The following CNTNAP2 variants were observed in gnomAD, a reference collection of about 807,000 sequenced individuals.
CNTNAP2 encodes contactin-associated protein-like 2.
In CNTNAP2, 98 loss-of-function variants were observed where a neutral mutation model predicts 155.2. The observed-to-expected ratio is 0.63, with a 90% CI of 0.54 to 0.75. The LOEUF is 0.75. Ranked by LOEUF, CNTNAP2 falls within the 30% of genes least tolerant of loss-of-function variation. The pLI, the probability that CNTNAP2 is intolerant of heterozygous loss-of-function variation, is 0.00. For synonymous variants in CNTNAP2, 651 were observed against 631.2 expected (o/e 1.03, Z -0.47); for missense variants, 1,727 against 1,688.1 (o/e 1.02, Z -0.40).
At chr7:147,432,095 G>A (rs1418766154) in intron 10 of CNTNAP2, among the ~76,000 whole-genome samples, 2 of 152,122 alleles carry the variant, frequency 1.3e-5, no homozygotes, top group Non-Finnish European at 2.9e-5. Flanking sequence ...TTGTGCATTA[G>A]GTCAAGAGAC....
chr7:146,671,656 A>C (rs1800309309), intron 1 of CNTNAP2, among the ~76,000 whole-genome samples: 1 of 152,158 alleles, frequency 6.6e-6, no homozygotes, highest in South Asian at 2.1e-4. Flanking sequence ...AAATAAGTTA[A>C]ATAATTCCTA....
At position 146,872,393 on chromosome 7, in the gene CNTNAP2, A is replaced by G. The variant is rs747194862; in HGVS notation, c.402+32489A>G. Among the ~76,000 whole-genome samples the G allele has an allele frequency of 2.2e-4, 33 of 152,110 alleles. 1 individual carries two copies. The highest frequency in any genetic ancestry group is 5.9e-5 in the Non-Finnish European group (4 of 67,974). ...AGGCTTTGCCTGTACTTTAACGTAAACCAATGCTGCACTTTATGCTTACTA... is the reference window on the plus strand; with the variant it reads ...AGGCTTTGCCTGTACTTTAACGTAAGCCAATGCTGCACTTTATGCTTACTA... On this transcript the variant is annotated intron_variant, in intron 3 of 23. Transcript: ENST00000361727.
At chr7:146,230,262 G>T (rs965975679) in intron 1 of CNTNAP2, among the ~76,000 whole-genome samples, 3 of 152,154 alleles carry the variant, frequency 2.0e-5, no homozygotes, top group Non-Finnish European at 2.9e-5. Context: ...TTCTAATGTG[G>T]AAGTGTCAAA....
At chr7:146,721,887 A>ATTTTTTTTTTTTTTTT (rs1265800742) in intron 1 of CNTNAP2, among the ~76,000 whole-genome samples, 2 of 81,996 alleles carry the variant, frequency 2.4e-5, no homozygotes, top group African/African-American at 4.0e-4. Flanking sequence ...ATATATATAT[A>ATTTTTTTTTTTTTTTT]TATTTTTTTT....
At chr7:147,750,059 T>C (rs1797109620) in intron 13 of CNTNAP2, among the ~76,000 whole-genome samples, 1 of 152,220 alleles carries the variant, frequency 6.6e-6, no homozygotes, top group African/African-American at 2.4e-5. Flanking sequence ...AATACAGCCA[T>C]TATAAAGGAA....
At chr7:146,154,529 T>C (rs952949806) in intron 1 of CNTNAP2, among the ~76,000 whole-genome samples, 2 of 152,200 alleles carry the variant, frequency 1.3e-5, no homozygotes. Context: ...AGGAAGTCAA[T>C]ATTGAATTTC....
chr7:146,292,983 CAT>C (rs1057335195), intron 1 of CNTNAP2, among the ~76,000 whole-genome samples: 5 of 151,872 alleles, frequency 3.3e-5, no homozygotes, highest in African/African-American at 1.2e-4. Context: ...TAGGAAATAA[CAT>C]ATTGTTATTT....
intron 1 of CNTNAP2, among the ~76,000 whole-genome samples, chr7:146,477,477 G>A (rs1175942709): frequency 1.3e-5 from 2 of 152,042 alleles, no homozygotes; most frequent in African/African-American, 4.8e-5. Flanking sequence ...GTTACAAAAA[G>A]GGATGCCATA....
chr7:146,827,338 T>G (rs1230429737), intron 2 of CNTNAP2, among the ~76,000 whole-genome samples: 1 of 152,038 alleles, frequency 6.6e-6, no homozygotes, highest in African/African-American at 2.4e-5. Flanking sequence ...ATTTTCTTAT[T>G]GATATCCATT....
At chr7:147,524,519 T>A (rs2116712844) in intron 11 of CNTNAP2, among the ~76,000 whole-genome samples, 1 of 152,280 alleles carries the variant, frequency 6.6e-6, no homozygotes, top group South Asian at 2.1e-4. Flanking sequence ...GAGACACAAC[T>A]CATCAGCTGG....
At chr7:148,341,178 T>G (rs1361191075) in intron 21 of CNTNAP2, among the ~76,000 whole-genome samples, 1 of 152,234 alleles carries the variant, frequency 6.6e-6, no homozygotes, top group African/African-American at 2.4e-5. Context: ...TTTCCGCTTC[T>G]ACTGTAATGG....
intron 16 of CNTNAP2, among the ~76,000 whole-genome samples, chr7:148,120,352 G>A (rs1319616562): frequency 1.1e-4 from 16 of 151,594 alleles, no homozygotes; most frequent in Non-Finnish European, 2.1e-4. Flanking sequence ...CTGCAGCCTC[G>A]AATTCCCAGG....
At chr7:147,070,457 A>G (rs1799869206) in intron 4 of CNTNAP2, among the ~76,000 whole-genome samples, 1 of 152,288 alleles carries the variant, frequency 6.6e-6, no homozygotes, top group Middle Eastern at 3.4e-3. Context: ...ACACCTAAGA[A>G]CGGATATTCG....
chr7:147,459,990 CA>C (rs1797991530), intron 10 of CNTNAP2, among the ~76,000 whole-genome samples: 1 of 151,946 alleles, frequency 6.6e-6, no homozygotes, highest in Non-Finnish European at 1.5e-5. Flanking sequence ...CAGGGCCTGT[CA>C]GGGGATGGTG....
chr7:147,514,621 T>TAA (rs5888268), intron 11 of CNTNAP2, among the ~76,000 whole-genome samples: 3,343 of 144,882 alleles, frequency 0.023, 95 homozygotes, highest in African/African-American at 0.07. Context: ...AGATTTGAAC[T>TAA]AAAAAAAAAA....
chr7:146,601,913 A>G (rs1798956437), intron 1 of CNTNAP2, among the ~76,000 whole-genome samples: 1 of 152,108 alleles, frequency 6.6e-6, no homozygotes, highest in Non-Finnish European at 1.5e-5. Context: ...CTAAAGTGGT[A>G]GCAATTAGAA....
chr7:148,261,253 C>T (rs543971927), intron 20 of CNTNAP2, among the ~76,000 whole-genome samples: 4 of 152,228 alleles, frequency 2.6e-5, no homozygotes, highest in African/African-American at 9.6e-5. Context: ...CTCTGCCTCC[C>T]GGGTTCAAGC....
chr7:146,542,585 C>G (rs1797968330), intron 1 of CNTNAP2, among the ~76,000 whole-genome samples: 2 of 151,136 alleles, frequency 1.3e-5, no homozygotes, highest in South Asian at 4.1e-4. Context: ...CCCTGACTCT[C>G]TCCTTTAGAG....
At position 148,332,252 on chromosome 7, in the gene CNTNAP2, G is replaced by A. The variant is rs919210106; in HGVS notation, c.3476-51397G>A. On this transcript the variant is annotated intron_variant, in intron 21 of 23. Transcript: ENST00000361727. Reference sequence around the variant, plus strand: ...ATTATTTTTAAACTGTGAAACTATTGTAGAGCATTGAATAGATGTATATTA... The same window carrying A: ...ATTATTTTTAAACTGTGAAACTATTATAGAGCATTGAATAGATGTATATTA... Among the ~76,000 whole-genome samples, 3 of 151,422 alleles carry A rather than the reference G, an allele frequency of 2.0e-5. No individual in the cohort carries two copies. The South Asian group carries it at 6.3e-4, about 32-fold the overall frequency.
Sources: gnomAD v4.1 joint callset for allele counts (sites outside exome capture counted in the v4.1 genomes callset) on GRCh38, gnomAD v4.1.1 for gene constraint, MANE v1.5 for transcripts, NCBI Gene and HGNC (gene_info 2026-07-23, HGNC 2026-07-21) for gene names.